The following GEMIN5 variants were observed in gnomAD, a reference collection of about 807,000 sequenced individuals.
GEMIN5 encodes the protein gem-associated protein 5.
Under a neutral mutation model 176.9 loss-of-function variants are expected in GEMIN5, and 124 were observed. The ratio of observed to expected loss-of-function variants is 0.70; its 90% CI spans 0.61 to 0.81. The LOEUF (loss-of-function observed/expected upper bound fraction) is 0.81. Ranked by LOEUF, GEMIN5 falls within the 40% of genes least tolerant of loss-of-function variation. The probability of loss-of-function intolerance (pLI) is 0.00; values close to 1 mark genes in which losing one functional copy is unlikely to be tolerated. For synonymous variants in GEMIN5, 673 were observed against 665.2 expected (o/e 1.01, Z -0.18); for missense variants, 1,843 against 1,814.6 (o/e 1.02, Z -0.28).
intron 6 of GEMIN5, among the ~76,000 whole-genome samples, chr5:154,928,315 C>T (rs1163615338): frequency 6.6e-6 from 1 of 152,184 alleles, no homozygotes; most frequent in Admixed American, 6.5e-5. Flanking sequence ...GTTCTGACTT[C>T]AGAGTCCATA....
intron 24 of GEMIN5, chr5:154,892,758 A>G: frequency 1.8e-6 from 1 of 553,698 alleles, no homozygotes; most frequent in East Asian, 3.0e-5. Flanking sequence ...TCCCGGTGTT[A>G]AAGTCTGTTC....
rs764951632 is a variant in GEMIN5 at position 154,925,945 on chromosome 5, T to A, written c.1210A>T (p.Ile404Phe). 2 of 1,613,660 alleles carry A rather than the reference T, an allele frequency of 1.2e-6. No individual in the cohort carries two copies. The highest frequency in any genetic ancestry group is 3.3e-5 in the Admixed American group (2 of 60,012). ...SLAIGVGDGM[I>F]RVWNTLSIKN... ...ATGGAGAGTGTATTCCATACACGGA[T>A]CATGCCATCCCCAACACCTATGGCC... is the stretch of plus-strand genomic sequence containing the variant. Residue 404 changes from isoleucine (I) to phenylalanine (F), a missense_variant, in exon 8 of 28, where the codon ATC (isoleucine) becomes TTC (phenylalanine). Transcript: ENST00000285873.
rs371174241 is a variant in GEMIN5, at chr5:154,898,582, A to G, written c.3203T>C (p.Leu1068Pro). ...VLAKKGDAAS[L>P]RTAAELAAIV... ...GGCAGCCAACTCTGCAGCCGTTCTAAGTGATGCCGCATCCCCCTTTTTGGC... is the reference window on the plus strand; with the variant it reads ...GGCAGCCAACTCTGCAGCCGTTCTAGGTGATGCCGCATCCCCCTTTTTGGC... The change falls in exon 23 of 28, where the codon CTT (leucine) becomes CCT (proline). Residue 1068 changes from leucine (L) to proline (P), a missense_variant. Coordinates refer to ENST00000285873, the MANE Select transcript of GEMIN5 (RefSeq NM_015465.5). 4.9e-5 allele frequency: 79 copies of G among 1,614,098 alleles called. No homozygotes were observed. The highest frequency in any genetic ancestry group is 6.1e-5 in the Non-Finnish European group (72 of 1,180,024).
intron 25 of GEMIN5, 94 bp from the exon 26 acceptor site, chr5:154,891,836 G>A: frequency 1.7e-6 from 2 of 1,206,940 alleles, no homozygotes; most frequent in Non-Finnish European, 2.3e-6. Context: ...TATCAACCAA[G>A]AAGCAGACCC....
intron 10 of GEMIN5, 45 bp downstream of exon 10, chr5:154,921,298 G>A (rs371500565): frequency 2.3e-6 from 2 of 867,288 alleles, no homozygotes; most frequent in South Asian, 1.3e-5. Context: ...TTAAACTGAA[G>A]GAAGAATACT....
intron 17 of GEMIN5, among the ~76,000 whole-genome samples, chr5:154,905,143 A>C (rs6580118): frequency 6.6e-6 from 1 of 152,206 alleles, no homozygotes; most frequent in Admixed American, 6.5e-5. Flanking sequence ...GTAGTGAGCC[A>C]AGAGTGTGCC....
At chr5:154,937,571 C>A (rs1295657476) in intron 1 of GEMIN5, among the ~76,000 whole-genome samples, 1 of 152,220 alleles carries the variant, frequency 6.6e-6, no homozygotes, top group Non-Finnish European at 1.5e-5. Context: ...TCTGGTTCAA[C>A]CCATTCATCT....
intron 7 of GEMIN5, 44 bp from the exon 8 acceptor site, chr5:154,926,118 A>T: frequency 3.1e-6 from 4 of 1,310,046 alleles, no homozygotes; most frequent in Non-Finnish European, 4.4e-6. Flanking sequence ...AAAAGAACAG[A>T]GAAATAGGAA....
Position 154,901,386 on chromosome 5 carries a change from G to C in GEMIN5, c.2967C>G (p.His989Gln). 1 of 1,614,028 alleles carries C rather than the reference G, an allele frequency of 6.2e-7. No homozygotes were observed. Among genetic ancestry groups the C allele is most frequent in the Non-Finnish European group, 8.5e-7 (1 of 1,179,938 alleles). The part of the protein sequence containing the change: ...VKAASHLLSI[H>Q]KVYEAVELLK... ...GCAGCTCCACCGCTTCATACACTTT[G>C]TGGATGGAAAGTAGGTGAGAAGCAG... The change falls in exon 21 of 28, where the codon CAC becomes CAG. Residue 989 changes from histidine (H) to glutamine (Q), a missense_variant. By Grantham distance (24) the His-to-Gln change is conservative. Coordinates refer to ENST00000285873, the MANE Select transcript of GEMIN5 (RefSeq NM_015465.5).
At chr5:154,904,850 G>A (rs924005253) in intron 17 of GEMIN5, among the ~76,000 whole-genome samples, 19 of 152,122 alleles carry the variant, frequency 1.2e-4, no homozygotes, top group South Asian at 4.1e-4. Context: ...GTCAACAACT[G>A]CAAAACATTT....
chr5:154,927,278 CAG>C, intron 7 of GEMIN5, 105 bp downstream of exon 7: 1 of 629,678 alleles, frequency 1.6e-6, no homozygotes, highest in East Asian at 2.6e-5. Context: ...AAATTGGAGT[CAG>C]GGGTGGAGTA....
chr5:154,937,031 G>A lies in GEMIN5; in HGVS notation c.321C>T (p.Leu107=), dbSNP rs754290433. The part of the protein sequence containing the change: ...ETKTVVTEHA[L]HQHTISTLHW... ...AACCAGTAAGCCATGGTACCTGATG[G>A]AGTGCATGTTCTGTCACAACTGTTT... The change falls in exon 2 of 28, where the codon CTC becomes CTT. Residue 107 remains leucine (L), a synonymous_variant. Transcript: ENST00000285873. The A allele has an allele frequency of 8.1e-6, 13 of 1,612,728 alleles. No homozygotes were observed. In the East Asian group the frequency reaches 2.5e-4, roughly 30 times the overall value.
rs1764310601 is a variant in GEMIN5, at chr5:154,938,105, G to A, written c.29C>T (p.Pro10Leu). The change falls in exon 1 of 28, where the codon CCC becomes CTC. Residue 10 changes from proline to leucine, a missense_variant. Pro to Leu is a moderately conservative substitution (Grantham distance 98, BLOSUM62 -3). Transcript: ENST00000285873. MGQEPRTLP[P>L]SPNWYCARCS... ...GCGGGCGCAGTACCAGTTGGGGGAG[G>A]GCGGCAGCGTCCGCGGCTCCTGCCC... 1.4e-6 allele frequency: 2 copies of A among 1,419,272 alleles called. No individual in the cohort carries two copies. The highest frequency in any genetic ancestry group is 6.1e-5 in the Admixed American group (2 of 32,896). 87.9% of individuals were successfully genotyped at this position (1,419,272 alleles called of 1,614,324 possible).
intron 3 of GEMIN5, among the ~76,000 whole-genome samples, chr5:154,933,283 A>G (rs1042996705): frequency 5.3e-5 from 8 of 152,140 alleles, no homozygotes; most frequent in Non-Finnish European, 1.2e-4. Context: ...TAGATTTTGC[A>G]TATTTTAAAA....
intron 17 of GEMIN5, 61 bp from the exon 18 acceptor site, chr5:154,904,690 T>A: frequency 1.5e-6 from 2 of 1,352,988 alleles, no homozygotes; most frequent in South Asian, 2.4e-5. Context: ...TAAAACGGAA[T>A]GCCTATTGTG....
Position 154,928,646 on chromosome 5 carries a change from CA to C in GEMIN5, c.794del (p.Leu265Ter). On this transcript the variant is annotated frameshift_variant, in exon 6 of 28. Coordinates refer to ENST00000285873, the MANE Select transcript of GEMIN5 (RefSeq NM_015465.5). LOFTEE classifies it high-confidence loss of function. ...SCSRGRGVMI[L>X]KLPFLKRRGG... is the part of the protein sequence containing the mutation. ...CTCTTCTCTTCAGAAAGGGCAATTT[CA>C]AAATCATCACCCCTGCAGATTAAAA... 3.1e-6 allele frequency: 5 copies of C among 1,613,976 alleles called. No individual in the cohort carries two copies. The highest frequency in any genetic ancestry group is 4.2e-6 in the Non-Finnish European group (5 of 1,179,904).
At chr5:154,901,560 T>C (rs1190445274) in intron 20 of GEMIN5, 74 bp from the exon 21 acceptor site, 1 of 1,424,944 alleles carries the variant, frequency 7.0e-7, no homozygotes, top group East Asian at 2.3e-5. Context: ...ACATTTGGGT[T>C]GAAAAAGCCT....
At chr5:154,903,755 G>C (rs1763513324) in intron 18 of GEMIN5, among the ~76,000 whole-genome samples, 1 of 152,062 alleles carries the variant, frequency 6.6e-6, no homozygotes, top group Admixed American at 6.6e-5. Context: ...AACCGGGAGG[G>C]AGGATGGTCC....
intron 24 of GEMIN5, among the ~76,000 whole-genome samples, chr5:154,894,729 AC>A (rs1763311753): frequency 6.6e-6 from 1 of 151,960 alleles, no homozygotes; most frequent in Admixed American, 6.6e-5. Flanking sequence ...ACATGGTGAA[AC>A]CCCTGTCTCT....
Sources: allele counts gnomAD v4.1 joint callset (sites outside exome capture counted in the v4.1 genomes callset), GRCh38; gene constraint gnomAD v4.1.1; transcripts MANE v1.5; gene names NCBI Gene and HGNC (gene_info 2026-07-23, HGNC 2026-07-21).